Variants in PTPRN2 observed in about 807,000 individuals in gnomAD.
The protein encoded by PTPRN2 is receptor-type tyrosine-protein phosphatase N2.
PTPRN2 carries 74 observed loss-of-function variants against 118.8 expected under a neutral mutation model. The observed-to-expected ratio is 0.62, with a 90% confidence interval of 0.52 to 0.76. PTPRN2 has a LOEUF of 0.76. Ranked by LOEUF, PTPRN2 falls within the 30% of genes least tolerant of loss-of-function variation. The pLI is 0.00. For synonymous variants in PTPRN2, 641 were observed against 608.0 expected, an observed-to-expected ratio of 1.05 and a Z score of -0.80; for missense variants, 1,481 against 1,394.4, an observed-to-expected ratio of 1.06 and a Z score of -0.99.
chr7:157,725,567 G>A (rs1328872388), intron 12 of PTPRN2, among the ~76,000 whole-genome samples: 1 of 129,234 alleles, frequency 7.7e-6, no homozygotes, highest in East Asian at 2.2e-4. Flanking sequence ...ACGCAGAGGA[G>A]TGAGCCAGAC....
chr7:157,696,629 C>T (rs1459752694), intron 12 of PTPRN2, among the ~76,000 whole-genome samples: 1 of 147,630 alleles, frequency 6.8e-6, no homozygotes, highest in African/African-American at 2.5e-5. Context: ...TCTACCCATG[C>T]ATACTGGGTC....
chr7:158,124,274 C>T (rs1280701563), intron 9 of PTPRN2, among the ~76,000 whole-genome samples: 1 of 152,248 alleles, frequency 6.6e-6, no homozygotes, highest in Non-Finnish European at 1.5e-5. Context: ...TCCCAGCCTG[C>T]ACCTACAGTC....
chr7:158,194,028 G>C (rs917941140), intron 4 of PTPRN2, among the ~76,000 whole-genome samples: 5 of 152,120 alleles, frequency 3.3e-5, no homozygotes, highest in African/African-American at 1.2e-4. Flanking sequence ...TGAGGCTGCA[G>C]TAAGCTACGA....
intron 2 of PTPRN2, among the ~76,000 whole-genome samples, chr7:158,443,829 G>C (rs1169150916): frequency 2.0e-5 from 3 of 152,168 alleles, no homozygotes; most frequent in Admixed American, 6.5e-5. Flanking sequence ...TCTGGGTGAC[G>C]GTGTCAGAGT....
At chr7:157,772,328 CACATACACACAG>C (rs1246172576) in intron 12 of PTPRN2, among the ~76,000 whole-genome samples, 2 of 122,106 alleles carry the variant, frequency 1.6e-5, no homozygotes, top group Non-Finnish European at 3.2e-5. Context: ...CACAGACACA[CACATACACACAG>C]ACATACACAC....
chr7:158,007,499 G>A (rs1276149067), intron 11 of PTPRN2, among the ~76,000 whole-genome samples: 5 of 152,192 alleles, frequency 3.3e-5, no homozygotes, highest in African/African-American at 9.7e-5. Context: ...CAGGGACTAC[G>A]GAGGGCAGTG....
At position 157,748,540 on chromosome 7, in the gene PTPRN2, C is replaced by A. The variant is rs1202006707; in HGVS notation, c.1789-65603G>T. Among the ~76,000 whole-genome samples the A allele has an allele frequency of 4.6e-4, 49 of 106,502 alleles. 2 individuals are homozygous for A. The highest frequency in any genetic ancestry group is 1.4e-3 in the Admixed American group (12 of 8,718). The allele number at this position is 106,502 out of a possible 152,430, so 69.9% of individuals were successfully genotyped here. On this transcript the variant is annotated intron_variant, in intron 12 of 22. Transcript: ENST00000389418. ...TCTGCGTCTCTGAGCTGTGGGGTGT[C>A]CGGGTGATTCTGAGGCCTGCGTCCC...
chr7:158,456,224 C>T (rs1818480910), intron 2 of PTPRN2, among the ~76,000 whole-genome samples: 2 of 151,730 alleles, frequency 1.3e-5, no homozygotes, highest in Admixed American at 6.6e-5. Context: ...CAATGGCCCC[C>T]CATCGCTCTG....
intron 12 of PTPRN2, among the ~76,000 whole-genome samples, chr7:157,712,113 C>G (rs10281789): frequency 8.9e-3 from 93 of 10,412 alleles, no homozygotes; most frequent in Middle Eastern, 0.031. Flanking sequence ...GGGGCTGCGT[C>G]GTGGAAGGGG....
chr7:158,316,135 C>T (rs968000411), intron 3 of PTPRN2, among the ~76,000 whole-genome samples: 2 of 152,184 alleles, frequency 1.3e-5, no homozygotes, highest in South Asian at 2.1e-4. Context: ...CAGGCAGCTT[C>T]CCCTGTGGAA....
intron 3 of PTPRN2, among the ~76,000 whole-genome samples, chr7:158,287,369 CTTAG>C (rs761794762): frequency 1.1e-4 from 16 of 151,980 alleles, no homozygotes; most frequent in Admixed American, 3.9e-4. Context: ...TAGATTTAGG[CTTAG>C]TTAGTTCTTT....
rs116420555 is a variant in PTPRN2 at position 158,492,277 on chromosome 7, G to A, written c.113-2492C>T. Among the ~76,000 whole-genome samples, 1,428 of 152,328 alleles carry A rather than the reference G, an allele frequency of 9.4e-3. 27 individuals carry two copies. The highest frequency in any genetic ancestry group is 0.032 in the African/African-American group (1,312 of 41,558). ...CAGGATTCTAGGGTGCATCTCCAGC[G>A]TGGAGGAACAGAGACCTTGGGGGAA... On this transcript the variant is annotated intron_variant, in intron 1 of 22. Transcript: ENST00000389418.
At chr7:158,164,525 G>A (rs1159827256) in intron 6 of PTPRN2, among the ~76,000 whole-genome samples, 2 of 141,570 alleles carry the variant, frequency 1.4e-5, no homozygotes, top group Non-Finnish European at 3.0e-5. Context: ...GCTCAGAGCG[G>A]GAGCGCGCAC....
intron 6 of PTPRN2, among the ~76,000 whole-genome samples, chr7:158,144,968 GC>G (rs1819764643): frequency 8.5e-5 from 12 of 141,198 alleles, no homozygotes; most frequent in African/African-American, 1.1e-4. Flanking sequence ...TCACATCATC[GC>G]AAGAAGGTTC....
intron 1 of PTPRN2, chr7:158,532,663 G>A (rs1825338627): frequency 1.9e-6 from 1 of 521,732 alleles, no homozygotes; most frequent in Non-Finnish European, 4.0e-6. Flanking sequence ...GATGTGATTA[G>A]AGGAACAGCA....
intron 12 of PTPRN2, among the ~76,000 whole-genome samples, chr7:157,766,543 T>A (rs2151017910): frequency 6.6e-6 from 1 of 152,334 alleles, no homozygotes; most frequent in Non-Finnish European, 1.5e-5. Context: ...ACGGGAGGAA[T>A]CAGAAAAAGC....
intron 12 of PTPRN2, among the ~76,000 whole-genome samples, chr7:157,684,982 C>G (rs1797103621): frequency 6.6e-6 from 1 of 151,896 alleles, no homozygotes; most frequent in South Asian, 2.1e-4. Flanking sequence ...CTCTGCCCAC[C>G]CCAGGGTCCA....
chr7:158,428,629 T>C (rs918966708), intron 2 of PTPRN2, among the ~76,000 whole-genome samples: 1 of 152,184 alleles, frequency 6.6e-6, no homozygotes, highest in South Asian at 2.1e-4. Flanking sequence ...AAGGTATCTG[T>C]CACAGAGTCA....
At chr7:158,306,855 GTTTTTTTTTT>G (rs61276074) in intron 3 of PTPRN2, among the ~76,000 whole-genome samples, 1,265 of 121,294 alleles carry the variant, frequency 0.01, 14 homozygotes, top group African/African-American at 0.038. Context: ...GCTGTTTTTT[GTTTTTTTTTT>G]TTTTTTTTTT....
Sources: gnomAD v4.1 joint callset for allele counts (sites outside exome capture counted in the v4.1 genomes callset) on GRCh38, gnomAD v4.1.1 for gene constraint, MANE v1.5 for transcripts, NCBI Gene and HGNC (gene_info 2026-07-23, HGNC 2026-07-21) for gene names.